The following AFF3 variants were observed in gnomAD, a reference collection of about 807,000 sequenced individuals.
The protein encoded by AFF3 is AF4/FMR2 family member 3.
A neutral mutation model predicts 129.7 loss-of-function variants in AFF3; 32 were observed. The observed-to-expected ratio is 0.25, with a 90% CI of 0.19 to 0.33. AFF3 has a LOEUF of 0.33. Ranked by LOEUF, AFF3 falls within the 10% of genes least tolerant of loss-of-function variation. The pLI is 1.00. For missense variants in AFF3, 1,373 were observed against 1,592.0 expected, an observed-to-expected ratio of 0.86 and a Z score of 2.34; for synonymous variants, 644 against 635.4, an observed-to-expected ratio of 1.01 and a Z score of -0.20.
At chr2:99,870,043 T>C (rs1418854965) in intron 7 of AFF3, among the ~76,000 whole-genome samples, 1 of 152,138 alleles carries the variant, frequency 6.6e-6, no homozygotes, top group Non-Finnish European at 1.5e-5. Context: ...TCTATGAAAA[T>C]GAATTAGACT....
chr2:100,000,372 G>A (rs1261883663), intron 7 of AFF3, among the ~76,000 whole-genome samples: 2 of 152,052 alleles, frequency 1.3e-5, no homozygotes, highest in Non-Finnish European at 2.9e-5. Flanking sequence ...ATCTCAGGAG[G>A]GGGCTAGCAT....
At chr2:99,688,970 C>T (rs1675341331) in intron 11 of AFF3, among the ~76,000 whole-genome samples, 1 of 152,192 alleles carries the variant, frequency 6.6e-6, no homozygotes, top group Non-Finnish European at 1.5e-5. Flanking sequence ...ATTACCTCCC[C>T]ACCTGGAATC....
intron 7 of AFF3, among the ~76,000 whole-genome samples, chr2:99,862,174 A>G (rs959281335): frequency 1.3e-5 from 2 of 151,966 alleles, no homozygotes; most frequent in African/African-American, 2.4e-5. Context: ...TTTTCTTTTA[A>G]TATCTATACT....
At chr2:99,975,876 A>G (rs927915460) in intron 7 of AFF3, among the ~76,000 whole-genome samples, 5 of 150,336 alleles carry the variant, frequency 3.3e-5, no homozygotes, top group East Asian at 1.9e-4. Context: ...ATGAAAAAAA[A>G]AAAAAAGAAA....
intron 7 of AFF3, among the ~76,000 whole-genome samples, chr2:99,903,139 C>T (rs1181258971): frequency 1.3e-5 from 2 of 152,058 alleles, no homozygotes; most frequent in Non-Finnish European, 2.9e-5. Flanking sequence ...CACCCTATTT[C>T]AAGGATTCTT....
chr2:99,869,448 G>C (rs748265639), intron 7 of AFF3, among the ~76,000 whole-genome samples: 2 of 151,944 alleles, frequency 1.3e-5, no homozygotes, highest in Non-Finnish European at 2.9e-5. Context: ...GAAGAGAGGA[G>C]GGAATCTAAG....
intron 8 of AFF3, among the ~76,000 whole-genome samples, chr2:99,817,614 T>C (rs568442061): frequency 6.6e-6 from 1 of 152,306 alleles, no homozygotes; most frequent in East Asian, 1.9e-4. Context: ...TTTGAACTCC[T>C]AGGTTCAAGC....
chr2:100,011,608 C>T (rs1339234507), intron 4 of AFF3: 1 of 780,346 alleles, frequency 1.3e-6, no homozygotes, highest in South Asian at 1.3e-5. Context: ...AGCTGAAACA[C>T]TTTAAACCTG....
chr2:99,666,345 G>A (rs1034548002), intron 12 of AFF3, among the ~76,000 whole-genome samples: 3 of 152,034 alleles, frequency 2.0e-5, no homozygotes, highest in Non-Finnish European at 4.4e-5. Context: ...CAGTACCAGC[G>A]AACTGTTATA....
At chr2:99,884,281 T>G (rs1383243164) in intron 7 of AFF3, among the ~76,000 whole-genome samples, 1 of 152,246 alleles carries the variant, frequency 6.6e-6, no homozygotes, top group Non-Finnish European at 1.5e-5. Context: ...ATCAAGCTAT[T>G]TAACACATCC....
intron 16 of AFF3, among the ~76,000 whole-genome samples, chr2:99,584,483 A>G (rs1157296475): frequency 1.3e-5 from 2 of 152,170 alleles, no homozygotes; most frequent in East Asian, 1.9e-4. Context: ...ATAAATACAT[A>G]AATAAATAAA....
intron 8 of AFF3, among the ~76,000 whole-genome samples, chr2:99,777,947 C>CAAAAAAAAAAAAAAAAAAAAAAAAAAA (rs576434643): frequency 4.1e-5 from 2 of 48,340 alleles, no homozygotes. Flanking sequence ...AAAGCAAAAG[C>CAAAAAAAAAAAAAAAAAAAAAAAAAAA]AAAAAAAAAA....
chr2:99,551,615 T>G lies in AFF3; in HGVS notation c.3560-20A>C, dbSNP rs1428306770. The G allele has an allele frequency of 6.2e-7, 1 of 1,613,710 alleles. No homozygotes were observed. The highest frequency in any genetic ancestry group is 8.5e-7 in the Non-Finnish European group (1 of 1,179,872). ...AGAATTCTAGGGGGACAGAAAGAGT[T>G]GTTAAGAATGCCACACATGCTAGGT... On this transcript the variant is annotated intron_variant, in intron 24 of 24. Transcript: ENST00000672756.
intron 4 of AFF3, among the ~76,000 whole-genome samples, chr2:100,075,219 G>C (rs1179708661): frequency 6.6e-6 from 1 of 152,046 alleles, no homozygotes; most frequent in African/African-American, 2.4e-5. Context: ...TAAAATTCAA[G>C]GCCCCCAGGT....
At chr2:99,582,326 C>A (rs923487093) in intron 17 of AFF3, among the ~76,000 whole-genome samples, 2 of 152,120 alleles carry the variant, frequency 1.3e-5, no homozygotes, top group African/African-American at 4.8e-5. Flanking sequence ...GCTGGAATCA[C>A]CCGAGATCAC....
Position 99,547,183 on chromosome 2 carries a change from C to T in AFF3, c.*4291G>A, listed in dbSNP as rs989914277. Reference sequence around the variant, plus strand: ...CAACTGACTTGAACGTATTTTGATTCTCAAGTTTCCGTGTAAAAATATTCA... The same window carrying T: ...CAACTGACTTGAACGTATTTTGATTTTCAAGTTTCCGTGTAAAAATATTCA... On this transcript the variant is annotated 3_prime_UTR_variant, in exon 25 of 25. Coordinates refer to ENST00000672756, the MANE Select transcript of AFF3 (RefSeq NM_001386135.1). 8.3e-5 allele frequency: 18 copies of T among 216,640 alleles called. No homozygotes were observed. The highest frequency in any genetic ancestry group is 1.7e-4 in the Non-Finnish European group (18 of 107,656). 13.4% of individuals were successfully genotyped at this position (216,640 alleles called of 1,614,324 possible).
intron 1 of AFF3, among the ~76,000 whole-genome samples, chr2:100,136,890 T>A (rs1272137517): frequency 6.6e-6 from 1 of 152,178 alleles, no homozygotes; most frequent in Non-Finnish European, 1.5e-5. Flanking sequence ...CATCGCTAAG[T>A]AGATTTTATA....
Position 100,115,452 on chromosome 2 carries a change from G to C in AFF3, c.-144-9869C>G, listed in dbSNP as rs1456200807. Among the ~76,000 whole-genome samples the C allele has an allele frequency of 4.6e-5, 7 of 152,284 alleles. No individual in the cohort carries two copies. In the South Asian group the frequency reaches 1.5e-3, roughly 32 times the overall value. On this transcript the variant is annotated intron_variant, in intron 2 of 24. Coordinates refer to ENST00000672756, the MANE Select transcript of AFF3 (RefSeq NM_001386135.1). ...AATTTCAGCTACTAGGTACTTGGGA[G>C]GCTGAGGCAGGAGAATCTCTTGAAC...
At chr2:99,600,499 C>T (rs1679720514) in intron 14 of AFF3, among the ~76,000 whole-genome samples, 1 of 152,112 alleles carries the variant, frequency 6.6e-6, no homozygotes, top group Non-Finnish European at 1.5e-5. Flanking sequence ...TTAAGGTGCT[C>T]CCCTCCCACT....
Sources: gnomAD v4.1 joint callset for allele counts (sites outside exome capture counted in the v4.1 genomes callset) on GRCh38, gnomAD v4.1.1 for gene constraint, MANE v1.5 for transcripts, NCBI Gene and HGNC (gene_info 2026-07-23, HGNC 2026-07-21) for gene names.